ST8SIA5: variants seen among roughly 807,000 people sequenced by gnomAD.
The protein encoded by ST8SIA5 is ST8 alpha-N-acetyl-neuraminide alpha-2,8-sialyltransferase 5.
A neutral mutation model predicts 40.2 loss-of-function variants in ST8SIA5; 24 were observed. The ratio of observed to expected loss-of-function variants is 0.60; its 90% CI spans 0.43 to 0.84. The LOEUF (loss-of-function observed/expected upper bound fraction) is 0.84. Among genes scored for constraint, ST8SIA5 ranks in the 40% least tolerant of loss-of-function variants. ST8SIA5 has a pLI of 0.00. For missense variants in ST8SIA5, 465 were observed against 498.5 expected (o/e 0.93, Z 0.64); for synonymous variants, 198 against 201.8 (o/e 0.98, Z 0.16).
chr18:46,734,312 G>A (rs1286737288), intron 1 of ST8SIA5, among the ~76,000 whole-genome samples: 2 of 152,160 alleles, frequency 1.3e-5, no homozygotes, highest in Non-Finnish European at 2.9e-5. Flanking sequence ...CCTTTCATTG[G>A]AGGCAAAAGA....
chr18:46,735,439 T>C (rs2040024621), intron 1 of ST8SIA5, among the ~76,000 whole-genome samples: 2 of 152,246 alleles, frequency 1.3e-5, no homozygotes, highest in South Asian at 4.1e-4. Context: ...GAGTCACATA[T>C]ATAATTTTAA....
At chr18:46,709,226 G>A (rs1012414477) in intron 1 of ST8SIA5, among the ~76,000 whole-genome samples, 10 of 152,200 alleles carry the variant, frequency 6.6e-5, no homozygotes, top group African/African-American at 2.4e-4. Flanking sequence ...TGAGGTCTCT[G>A]CCCTCAATGA....
At chr18:46,720,144 T>C (rs1568268099) in intron 1 of ST8SIA5, among the ~76,000 whole-genome samples, 1 of 152,104 alleles carries the variant, frequency 6.6e-6, no homozygotes, top group Non-Finnish European at 1.5e-5. Flanking sequence ...TGGCTTTGAC[T>C]CGCATTTTCT....
intron 1 of ST8SIA5, among the ~76,000 whole-genome samples, chr18:46,745,604 C>G (rs919964946): frequency 1.3e-5 from 2 of 152,162 alleles, no homozygotes; most frequent in Non-Finnish European, 2.9e-5. Context: ...AAGTCCAGGA[C>G]CAAACGGATT....
At chr18:46,719,401 T>C (rs950133498) in intron 1 of ST8SIA5, among the ~76,000 whole-genome samples, 3 of 150,782 alleles carry the variant, frequency 2.0e-5, no homozygotes, top group Non-Finnish European at 4.4e-5. Flanking sequence ...AGGGAGGCAA[T>C]GGGGAGGAAG....
chr18:46,679,989 G>C lies in ST8SIA5; in HGVS notation c.*53C>G. 1.3e-6 allele frequency: 2 copies of C among 1,538,240 alleles called. No individual in the cohort carries two copies. The highest frequency in any genetic ancestry group is 1.8e-6 in the Non-Finnish European group (2 of 1,138,580). On this transcript the variant is annotated 3_prime_UTR_variant, in exon 7 of 7. Coordinates refer to ENST00000315087, the MANE Select transcript of ST8SIA5 (RefSeq NM_013305.6). ...GGTTCGGGGCTCCCAGTTCCACCAG[G>C]AGGGACAGCAGGAGAGGGGGCGCCG...
chr18:46,708,127 T>C (rs1286519051), intron 1 of ST8SIA5, among the ~76,000 whole-genome samples: 4 of 152,278 alleles, frequency 2.6e-5, no homozygotes, highest in Non-Finnish European at 1.5e-5. Flanking sequence ...AAAATGCTCA[T>C]TCCCCTCTGT....
intron 1 of ST8SIA5, among the ~76,000 whole-genome samples, chr18:46,725,972 AATAT>A (rs1555696955): frequency 1.5e-3 from 45 of 29,042 alleles, no homozygotes; most frequent in Admixed American, 3.6e-3. Flanking sequence ...AAAAAAAAAA[AATAT>A]ATATATATAT....
intron 1 of ST8SIA5, among the ~76,000 whole-genome samples, chr18:46,715,337 T>C (rs1323914957): frequency 6.6e-6 from 1 of 152,188 alleles, no homozygotes; most frequent in Non-Finnish European, 1.5e-5. Flanking sequence ...CAAGGGCTCC[T>C]CTTTGAAATG....
At chr18:46,733,057 A>G (rs2040000370) in intron 1 of ST8SIA5, among the ~76,000 whole-genome samples, 1 of 152,174 alleles carries the variant, frequency 6.6e-6, no homozygotes, top group Admixed American at 6.5e-5. Flanking sequence ...CAGTGAGCAG[A>G]TCAGCAGGGC....
intron 1 of ST8SIA5, among the ~76,000 whole-genome samples, chr18:46,728,057 T>C (rs1412122640): frequency 6.6e-6 from 1 of 151,990 alleles, no homozygotes; most frequent in Non-Finnish European, 1.5e-5. Flanking sequence ...TAGCTGGGTA[T>C]GGAGGCATGA....
At chr18:46,714,126 G>T (rs892297331) in intron 1 of ST8SIA5, among the ~76,000 whole-genome samples, 1 of 152,152 alleles carries the variant, frequency 6.6e-6, no homozygotes, top group African/African-American at 2.4e-5. Context: ...GCATGGGGAA[G>T]GATGGCCTCT....
chr18:46,756,702 C>A lies in ST8SIA5; in HGVS notation c.-194G>T. ...CATCCAAGCGTCGCAGGCGCTGGGG[C>A]GGCAAGCAGGACAGGGCCGGTGGCA... On this transcript the variant is annotated 5_prime_UTR_variant, in exon 1 of 7. Transcript: ENST00000315087. 3.2e-6 allele frequency: 2 copies of A among 625,846 alleles called. No individual in the cohort carries two copies. Among genetic ancestry groups the A allele is most frequent in the South Asian group, 4.3e-5 (2 of 46,002 alleles). The allele number at this position is 625,846 out of a possible 1,614,324, so 38.8% of individuals were successfully genotyped here.
At chr18:46,749,778 C>A (rs978223613) in intron 1 of ST8SIA5, among the ~76,000 whole-genome samples, 10 of 152,122 alleles carry the variant, frequency 6.6e-5, no homozygotes, top group Admixed American at 2.0e-4. Flanking sequence ...TTGTGTCCCC[C>A]CAAAATTCCT....
chr18:46,747,752 C>T (rs1009194343), intron 1 of ST8SIA5, among the ~76,000 whole-genome samples: 1 of 152,204 alleles, frequency 6.6e-6, no homozygotes, highest in Non-Finnish European at 1.5e-5. Flanking sequence ...AATCATGCTA[C>T]TATAAAGACT....
At chr18:46,717,619 T>C (rs1311972322) in intron 1 of ST8SIA5, among the ~76,000 whole-genome samples, 1 of 152,172 alleles carries the variant, frequency 6.6e-6, no homozygotes, top group Non-Finnish European at 1.5e-5. Flanking sequence ...CAGCCTGCCC[T>C]ACTATCAGCT....
chr18:46,720,176 T>G (rs1012629206), intron 1 of ST8SIA5, among the ~76,000 whole-genome samples: 2 of 151,900 alleles, frequency 1.3e-5, no homozygotes, highest in Non-Finnish European at 2.9e-5. Flanking sequence ...CTTGAAGAAC[T>G]CTCCCAGGAG....
Position 46,725,784 on chromosome 18 carries a change from T to C in ST8SIA5, c.132-21120A>G, listed in dbSNP as rs75677713. 3.7e-3 allele frequency among the ~76,000 whole-genome samples: 559 copies of C among 151,004 alleles called. 9 individuals carry two copies. The highest frequency in any genetic ancestry group is 0.033 in the East Asian group (172 of 5,148). On this transcript the variant is annotated intron_variant, in intron 1 of 6. Coordinates refer to ENST00000315087, the MANE Select transcript of ST8SIA5 (RefSeq NM_013305.6). ...TCTATTATTAGTCAAAGAAACCCAA[T>C]GAGGAAGGCCTGTGGAGGTATAAAG...
intron 1 of ST8SIA5, among the ~76,000 whole-genome samples, chr18:46,748,819 C>T (rs919298046): frequency 6.6e-6 from 1 of 152,092 alleles, no homozygotes; most frequent in South Asian, 2.1e-4. Flanking sequence ...ATACAGCCAC[C>T]TTGGAGAACC....
Sources: allele counts gnomAD v4.1 joint callset (sites outside exome capture counted in the v4.1 genomes callset), GRCh38; gene constraint gnomAD v4.1.1; transcripts MANE v1.5; gene names NCBI Gene and HGNC (gene_info 2026-07-23, HGNC 2026-07-21).